The following PRKCB variants were observed in gnomAD, a reference collection of about 807,000 sequenced individuals.
The protein encoded by PRKCB is protein kinase C beta.
In PRKCB, 13 loss-of-function variants were observed where a neutral mutation model predicts 81.5. That is an observed-to-expected ratio of 0.16 (90% confidence interval 0.10 to 0.25). The LOEUF (loss-of-function observed/expected upper bound fraction) is 0.25. Ranked by LOEUF, PRKCB falls within the 10% of genes least tolerant of loss-of-function variation. PRKCB has a pLI of 1.00. For missense variants in PRKCB, 509 were observed against 875.7 expected, an observed-to-expected ratio of 0.58 and a Z score of 5.29; for synonymous variants, 335 against 321.4, an observed-to-expected ratio of 1.04 and a Z score of -0.45.
intron 16 of PRKCB, among the ~76,000 whole-genome samples, chr16:24,207,596 T>C (rs771842365): frequency 6.6e-6 from 1 of 152,188 alleles, no homozygotes; most frequent in Non-Finnish European, 1.5e-5. Context: ...TTTAAGAATG[T>C]TTTGCATGGT....
Position 24,219,105 on chromosome 16 carries a change from T to C in PRKCB, c.*4289T>C. 20 of 985,416 alleles carry C rather than the reference T, an allele frequency of 2.0e-5. No homozygotes were observed. Among genetic ancestry groups the C allele is most frequent in the Non-Finnish European group, 2.4e-5 (20 of 829,954 alleles). The allele number at this position is 985,416 out of a possible 1,614,324, so 61.0% of individuals were successfully genotyped here. ...TCGGAGCATCATACAGATTCCTTTATTAGCCCACATTCTGATGTTCCCTGG... is the reference window on the plus strand; with the variant it reads ...TCGGAGCATCATACAGATTCCTTTACTAGCCCACATTCTGATGTTCCCTGG... On this transcript the variant is annotated 3_prime_UTR_variant, in exon 17 of 17. Transcript: ENST00000643927.
At chr16:23,975,433 G>A (rs76530374) in intron 2 of PRKCB, among the ~76,000 whole-genome samples, 7 of 152,076 alleles carry the variant, frequency 4.6e-5, no homozygotes, top group African/African-American at 1.7e-4. Context: ...GTAGCAAAGG[G>A]TCTAAATCGC....
intron 3 of PRKCB, among the ~76,000 whole-genome samples, chr16:24,009,729 C>G (rs975806207): frequency 6.6e-6 from 1 of 151,878 alleles, no homozygotes; most frequent in Non-Finnish European, 1.5e-5. Flanking sequence ...AAAAACAAAA[C>G]TAGGCTGGGC....
At chr16:23,933,210 T>C (rs1193921255) in intron 2 of PRKCB, among the ~76,000 whole-genome samples, 3 of 152,202 alleles carry the variant, frequency 2.0e-5, no homozygotes, top group African/African-American at 7.2e-5. Context: ...TTTTCATCCT[T>C]TCTTCCTGCT....
Position 24,165,265 on chromosome 16 carries a change from T to C in PRKCB, c.1240-7005T>C, listed in dbSNP as rs530625539. Among the ~76,000 whole-genome samples the C allele has an allele frequency of 4.6e-5, 7 of 152,332 alleles. No individual in the cohort carries two copies. In the East Asian group the frequency reaches 1.2e-3, roughly 25 times the overall value. On this transcript the variant is annotated intron_variant, in intron 10 of 16. Coordinates refer to ENST00000643927, the MANE Select transcript of PRKCB (RefSeq NM_002738.7). ...CATGTTGCCCAGGCTGACCTGGAAC[T>C]TCTGGGCTCAAAAGCAATCCTTCCA...
chr16:23,937,815 A>G (rs1468881285), intron 2 of PRKCB, among the ~76,000 whole-genome samples: 1 of 152,210 alleles, frequency 6.6e-6, no homozygotes, highest in Non-Finnish European at 1.5e-5. Flanking sequence ...ATTCATTCAG[A>G]GAAGCCAGCA....
At chr16:24,007,100 C>CTAA (rs1301466105) in intron 3 of PRKCB, among the ~76,000 whole-genome samples, 1 of 152,208 alleles carries the variant, frequency 6.6e-6, no homozygotes, top group Non-Finnish European at 1.5e-5. Context: ...AGTTTGGCCA[C>CTAA]TAACTAGCTG....
chr16:24,064,170 G>A (rs1431943345), intron 5 of PRKCB, among the ~76,000 whole-genome samples: 1 of 151,466 alleles, frequency 6.6e-6, no homozygotes, highest in East Asian at 1.9e-4. Flanking sequence ...GTAGGTAAAG[G>A]GAGCTTGAAA....
chr16:23,996,279 A>G lies in PRKCB; in HGVS notation c.288+7689A>G, dbSNP rs112414570. ...TAGAATGACCCGTTCTTTGGATACCAGGCAGCCTCTTTCCCCAGACACCCT... is the reference window on the plus strand; with the variant it reads ...TAGAATGACCCGTTCTTTGGATACCGGGCAGCCTCTTTCCCCAGACACCCT... On this transcript the variant is annotated intron_variant, in intron 3 of 16. Coordinates refer to ENST00000643927, the MANE Select transcript of PRKCB (RefSeq NM_002738.7). Among the ~76,000 whole-genome samples the G allele has an allele frequency of 4.4e-3, 665 of 152,328 alleles. 1 individual carries two copies. The highest frequency in any genetic ancestry group is 5.8e-3 in the Non-Finnish European group (396 of 68,026).
Position 24,218,536 on chromosome 16 carries a change from T to C in PRKCB, c.*3720T>C. The stretch of plus-strand genomic sequence containing the variant: ...CTCACTCCCACACCCTCACATAGAC[T>C]TGGCAAGAGTAAGGAGGGAACTCCA... On this transcript the variant is annotated 3_prime_UTR_variant, in exon 17 of 17. Coordinates refer to ENST00000643927, the MANE Select transcript of PRKCB (RefSeq NM_002738.7). The C allele has an allele frequency of 1.0e-6, 1 of 985,370 alleles. No individual in the cohort carries two copies. The highest frequency in any genetic ancestry group is 1.2e-6 in the Non-Finnish European group (1 of 829,924). 61.0% of individuals were successfully genotyped at this position (985,370 alleles called of 1,614,324 possible).
At chr16:24,079,940 G>T (rs901909302) in intron 5 of PRKCB, among the ~76,000 whole-genome samples, 2 of 152,148 alleles carry the variant, frequency 1.3e-5, no homozygotes, top group East Asian at 1.9e-4. Flanking sequence ...AATGGTTATT[G>T]AATTTTGTCA....
intron 9 of PRKCB, among the ~76,000 whole-genome samples, chr16:24,152,519 C>T (rs941230397): frequency 2.0e-5 from 3 of 152,144 alleles, no homozygotes; most frequent in African/African-American, 7.2e-5. Flanking sequence ...CTTCTTCTTT[C>T]CATCTCCAAT....
intron 3 of PRKCB, among the ~76,000 whole-genome samples, chr16:24,025,765 G>A (rs778582794): frequency 9.8e-5 from 15 of 152,296 alleles, no homozygotes; most frequent in Admixed American, 3.9e-4. Context: ...TATCTTAGCC[G>A]CACATGAAGA....
chr16:24,197,055 A>C (rs983653975), intron 16 of PRKCB, among the ~76,000 whole-genome samples: 9 of 152,168 alleles, frequency 5.9e-5, no homozygotes, highest in Non-Finnish European at 1.2e-4. Context: ...GGATGTTGTC[A>C]GATATTGAGT....
At chr16:23,849,741 G>A (rs1962441210) in intron 2 of PRKCB, among the ~76,000 whole-genome samples, 1 of 151,974 alleles carries the variant, frequency 6.6e-6, no homozygotes, top group Admixed American at 6.6e-5. Flanking sequence ...TAATTGATGG[G>A]GTACAATGTG....
chr16:23,915,573 C>A (rs1036261729), intron 2 of PRKCB, among the ~76,000 whole-genome samples: 1 of 151,500 alleles, frequency 6.6e-6, no homozygotes, highest in Admixed American at 6.6e-5. Flanking sequence ...CACCTGTAGT[C>A]CCAGCTACTA....
intron 2 of PRKCB, among the ~76,000 whole-genome samples, chr16:23,839,769 C>T (rs1328744599): frequency 6.6e-6 from 1 of 152,180 alleles, no homozygotes. Context: ...GAGTCAGTAA[C>T]AGTACCATAG....
chr16:24,207,952 AG>A (rs1420220115), intron 16 of PRKCB, among the ~76,000 whole-genome samples: 3 of 152,058 alleles, frequency 2.0e-5, no homozygotes, highest in Non-Finnish European at 4.4e-5. Flanking sequence ...AGGGTGTCTC[AG>A]GGGGTGGGGG....
At chr16:24,030,619 C>G (rs1230335212) in intron 3 of PRKCB, among the ~76,000 whole-genome samples, 1 of 151,092 alleles carries the variant, frequency 6.6e-6, no homozygotes, top group Admixed American at 6.6e-5. Flanking sequence ...TGGTGTGCAC[C>G]TGGCATTCCA....
Sources: gnomAD v4.1 joint callset for allele counts (sites outside exome capture counted in the v4.1 genomes callset) on GRCh38, gnomAD v4.1.1 for gene constraint, MANE v1.5 for transcripts, NCBI Gene and HGNC (gene_info 2026-07-23, HGNC 2026-07-21) for gene names.